The following UGT1A10 variants were observed in gnomAD, a reference collection of about 807,000 sequenced individuals.
UGT1A10 encodes UDP glucuronosyltransferase family 1 member A10, also known as UDP-glucuronosyltransferase 1A10.
In UGT1A10, 49 loss-of-function variants were observed where a neutral mutation model predicts 45.8. That is an observed-to-expected ratio of 1.07 (90% CI 0.85 to 1.36). The LOEUF (loss-of-function observed/expected upper bound fraction) is 1.36. UGT1A10 is among the 40% of genes most tolerant of loss of function. UGT1A10 has a pLI of 0.00. For synonymous variants in UGT1A10, 284 were observed against 249.7 expected, an observed-to-expected ratio of 1.14 and a Z score of -1.29; for missense variants, 745 against 668.6, an observed-to-expected ratio of 1.11 and a Z score of -1.26.
At chr2:233,642,414 C>T (rs2073475600) in intron 1 of UGT1A10, among the ~76,000 whole-genome samples, 1 of 152,128 alleles carries the variant, frequency 6.6e-6, no homozygotes, top group Non-Finnish European at 1.5e-5. Flanking sequence ...TTCTGAATTC[C>T]TCCTCTGTGT....
intron 1 of UGT1A10, among the ~76,000 whole-genome samples, chr2:233,711,176 T>C (rs1233796559): frequency 1.3e-5 from 2 of 152,192 alleles, no homozygotes; most frequent in East Asian, 3.9e-4. Context: ...ACCAGGAATA[T>C]GAGCTACTCC....
intron 1 of UGT1A10, among the ~76,000 whole-genome samples, chr2:233,700,983 C>T (rs1317815779): frequency 6.6e-6 from 1 of 151,310 alleles, no homozygotes; most frequent in Non-Finnish European, 1.5e-5. Context: ...GATTTTTTGT[C>T]CTTGCGATAG....
chr2:233,755,236 G>A (rs1242283792), intron 1 of UGT1A10: 7 of 905,796 alleles, frequency 7.7e-6, no homozygotes, highest in East Asian at 5.0e-5. Context: ...GAGGCCTACC[G>A]GGGTACTCCC....
intron 1 of UGT1A10, among the ~76,000 whole-genome samples, chr2:233,683,009 A>C (rs950261288): frequency 6.6e-6 from 1 of 152,212 alleles, no homozygotes; most frequent in Non-Finnish European, 1.5e-5. Context: ...ATAATTGTAG[A>C]TCATATCTAG....
At chr2:233,650,969 A>G (rs28969694) in intron 1 of UGT1A10, among the ~76,000 whole-genome samples, 2,284 of 152,318 alleles carry the variant, frequency 0.015, 49 homozygotes, top group African/African-American at 0.052. Flanking sequence ...ACTTTGTAAC[A>G]CAGTTGTATG....
At position 233,682,539 on chromosome 2, in the gene UGT1A10, T is replaced by A. The variant is rs138921290; in HGVS notation, c.855+45162T>A. ...CTTCTCTTAGGGTTCTCAGACGCCA[T>A]GACTTTCAAGGAGAGAGTATGGAAC... On this transcript the variant is annotated intron_variant, in intron 1 of 4. Coordinates refer to ENST00000344644, the MANE Select transcript of UGT1A10 (RefSeq NM_019075.4). 6.2e-7 allele frequency: 1 copy of A among 1,613,944 alleles called. No homozygotes were observed. Among genetic ancestry groups the A allele is most frequent in the South Asian group, 1.1e-5 (1 of 91,076 alleles).
At chr2:233,669,679 G>A (rs2074143111) in intron 1 of UGT1A10, among the ~76,000 whole-genome samples, 7 of 152,112 alleles carry the variant, frequency 4.6e-5, no homozygotes, top group Admixed American at 4.6e-4. Flanking sequence ...GGTTTTGTGG[G>A]TTTCTTTTTG....
At position 233,725,198 on chromosome 2, in the gene UGT1A10, A is replaced by G. The variant is rs1414997731; in HGVS notation, c.856-41836A>G. The stretch of plus-strand genomic sequence containing the variant: ...CGTGGGGAGAGGCAGAGGCAGAGGC[A>G]GAGGCAGAGGCAGAGGCAGAGGAGG... On this transcript the variant is annotated intron_variant, in intron 1 of 4. Coordinates refer to ENST00000344644, the MANE Select transcript of UGT1A10 (RefSeq NM_019075.4). Among the ~76,000 whole-genome samples, 47 of 86,252 alleles carry G rather than the reference A, an allele frequency of 5.4e-4. 1 individual carries two copies. The highest frequency in any genetic ancestry group is 5.3e-3 in the Middle Eastern group (1 of 188). 56.6% of individuals were successfully genotyped at this position (86,252 alleles called of 152,430 possible). A position where few individuals can be genotyped will look rare whatever the true frequency, so the allele number is the denominator to read the frequency against.
In UGT1A10 at chr2:233,727,075, A is replaced by C. The variant is rs1559371928; in HGVS notation, c.856-39959A>C. 2.0e-5 allele frequency among the ~76,000 whole-genome samples: 3 copies of C among 152,212 alleles called. No individual in the cohort carries two copies. The South Asian group carries it at 6.2e-4, about 32-fold the overall frequency. On this transcript the variant is annotated intron_variant, in intron 1 of 4. Transcript: ENST00000344644. Reference sequence around the variant, plus strand: ...TGAAGATTAGTTTCTGTGTTCTCTTACAAACATTAAAGAATTCCAGTTTGT... The same window carrying C: ...TGAAGATTAGTTTCTGTGTTCTCTTCCAAACATTAAAGAATTCCAGTTTGT...
At chr2:233,719,099 G>A (rs769526366) in intron 1 of UGT1A10, 39 of 1,614,126 alleles carry the variant, frequency 2.4e-5, no homozygotes, top group African/African-American at 2.0e-4. Flanking sequence ...ATCGCGTTAC[G>A]CTGGGCTACA....
At chr2:233,706,059 C>CA (rs1405552765) in intron 1 of UGT1A10, among the ~76,000 whole-genome samples, 1 of 152,160 alleles carries the variant, frequency 6.6e-6, no homozygotes, top group Admixed American at 6.5e-5. Flanking sequence ...CACGCCACTG[C>CA]ATGCCAGCCT....
chr2:233,642,870 G>GTCTC (rs1202277598), intron 1 of UGT1A10, among the ~76,000 whole-genome samples: 2 of 151,254 alleles, frequency 1.3e-5, no homozygotes, highest in African/African-American at 4.8e-5. Context: ...AAAATACAGA[G>GTCTC]TCTCTCTCTC....
At chr2:233,728,766 G>T (rs1264668797) in intron 1 of UGT1A10, among the ~76,000 whole-genome samples, 1 of 152,192 alleles carries the variant, frequency 6.6e-6, no homozygotes, top group East Asian at 1.9e-4. Context: ...TCAGACCTCA[G>T]CTGCTGCCTG....
intron 1 of UGT1A10, chr2:233,747,682 G>A: frequency 6.2e-7 from 1 of 1,608,610 alleles, no homozygotes; most frequent in Admixed American, 1.7e-5. Flanking sequence ...ATTTACCTCT[G>A]TGGGGCAGTG....
intron 1 of UGT1A10, among the ~76,000 whole-genome samples, chr2:233,746,573 G>A (rs1403247476): frequency 6.6e-6 from 1 of 151,756 alleles, no homozygotes; most frequent in Admixed American, 6.5e-5. Flanking sequence ...ACCACACCCT[G>A]TAATTGCCTA....
At chr2:233,745,781 CAG>C (rs757535018) in intron 1 of UGT1A10, among the ~76,000 whole-genome samples, 4 of 150,162 alleles carry the variant, frequency 2.7e-5, no homozygotes, top group Non-Finnish European at 5.9e-5. Flanking sequence ...TGAGCTTAGA[CAG>C]GGGGGCTGGG....
chr2:233,724,974 A>T (rs1313555521), intron 1 of UGT1A10, among the ~76,000 whole-genome samples: 1 of 135,272 alleles, frequency 7.4e-6, no homozygotes, highest in East Asian at 2.1e-4. Flanking sequence ...AGGTTGGCGG[A>T]TCACTCGCGG....
chr2:233,758,882 G>A (rs1040382997), intron 1 of UGT1A10, among the ~76,000 whole-genome samples: 12 of 152,162 alleles, frequency 7.9e-5, no homozygotes, highest in African/African-American at 2.7e-4. Context: ...ATAGTCCATG[G>A]TCAATAAATA....
intron 1 of UGT1A10, among the ~76,000 whole-genome samples, chr2:233,746,863 G>A (rs1360451687): frequency 6.6e-6 from 1 of 151,770 alleles, no homozygotes; most frequent in Non-Finnish European, 1.5e-5. Flanking sequence ...GCTGCAGCCT[G>A]ATAAACGTGG....
Sources: gnomAD v4.1 joint callset for allele counts (sites outside exome capture counted in the v4.1 genomes callset) on GRCh38, gnomAD v4.1.1 for gene constraint, MANE v1.5 for transcripts, NCBI Gene and HGNC (gene_info 2026-07-23, HGNC 2026-07-21) for gene names.